SDC1: variants seen among roughly 807,000 people sequenced by gnomAD.
SDC1 encodes syndecan-1.
Under a neutral mutation model 29.7 loss-of-function variants are expected in SDC1, and 14 were observed. That is an observed-to-expected ratio of 0.47 (90% confidence interval 0.31 to 0.74). The LOEUF is 0.74. Among genes scored for constraint, SDC1 ranks in the 30% least tolerant of loss-of-function variants. The pLI, the probability that SDC1 is intolerant of heterozygous loss-of-function variation, is 0.05. For missense variants in SDC1, 406 were observed against 400.3 expected, an observed-to-expected ratio of 1.01 and a Z score of -0.12; for synonymous variants, 204 against 175.5, an observed-to-expected ratio of 1.16 and a Z score of -1.29.
At chr2:20,214,303 C>G (rs1296936480) in intron 1 of SDC1, among the ~76,000 whole-genome samples, 1 of 152,004 alleles carries the variant, frequency 6.6e-6, no homozygotes, top group Admixed American at 6.5e-5. Flanking sequence ...AAGAACAATT[C>G]AGATTGAGTA....
Position 20,224,718 on chromosome 2 carries a change from C to T in SDC1, c.66+84G>A. 3 of 1,222,530 alleles carry T rather than the reference C, an allele frequency of 2.5e-6. No individual in the cohort carries two copies. The highest frequency in any genetic ancestry group is 3.1e-6 in the Non-Finnish European group (3 of 976,984). 75.7% of individuals were successfully genotyped at this position (1,222,530 alleles called of 1,614,324 possible). ...GAAGGGAAGTCTTCGCTCCCCCTCCCCCTCCACGTGCACCCGCCGGCATCC... is the reference window on the plus strand; with the variant it reads ...GAAGGGAAGTCTTCGCTCCCCCTCCTCCTCCACGTGCACCCGCCGGCATCC... On this transcript the variant is annotated intron_variant, in intron 1 of 4. Transcript: ENST00000254351. This position sits in a 1 kb window ranked among gnomAD's most constrained non-coding sequence, Gnocchi z 4.9.
At chr2:20,223,164 C>T in intron 1 of SDC1, 2 of 983,188 alleles carry the variant, frequency 2.0e-6, no homozygotes, top group Non-Finnish European at 2.8e-6. Flanking sequence ...GGCACAGGGA[C>T]CTCTCCTGGA....
At chr2:20,216,528 A>T (rs1677631059) in intron 1 of SDC1, among the ~76,000 whole-genome samples, 1 of 152,188 alleles carries the variant, frequency 6.6e-6, no homozygotes, top group South Asian at 2.1e-4. Context: ...TTCGCCTGGA[A>T]CACTACAGAT....
chr2:20,222,967 G>A (rs1677868650), intron 1 of SDC1, among the ~76,000 whole-genome samples: 1 of 152,184 alleles, frequency 6.6e-6, no homozygotes, highest in South Asian at 2.1e-4. Flanking sequence ...AAGGCACCCA[G>A]CTCCATTCTC....
Position 20,204,021 on chromosome 2 carries a change from G to A in SDC1, c.419C>T (p.Thr140Ile). Residue 140 changes from threonine (T) to isoleucine (I), a missense_variant, in exon 3 of 5, where the codon ACC becomes ATC. Coordinates refer to ENST00000254351, the MANE Select transcript of SDC1 (RefSeq NM_002997.5). ...QLPTTHLAST[T>I]TATTAQEPAT... ...GGGCTCCTGGGCCGTGGTGGCTGTGGTCGTTGAGGCCAGATGAGTGGTCGG... is the reference window on the plus strand; with the variant it reads ...GGGCTCCTGGGCCGTGGTGGCTGTGATCGTTGAGGCCAGATGAGTGGTCGG... 1 of 1,613,398 alleles carries A rather than the reference G, an allele frequency of 6.2e-7. No homozygotes were observed. The highest frequency in any genetic ancestry group is 8.5e-7 in the Non-Finnish European group (1 of 1,179,630).
intron 1 of SDC1, among the ~76,000 whole-genome samples, chr2:20,212,681 C>T (rs756627882): frequency 4.3e-4 from 65 of 152,198 alleles, no homozygotes; most frequent in Admixed American, 1.9e-3. Flanking sequence ...CGGGGCCTGC[C>T]GAGGGTATGA....
At chr2:20,209,936 T>A (rs528783255) in intron 1 of SDC1, among the ~76,000 whole-genome samples, 1 of 152,352 alleles carries the variant, frequency 6.6e-6, no homozygotes, top group Non-Finnish European at 1.5e-5. Flanking sequence ...CCCCCCGCCA[T>A]CAGCCTGAGG....
intron 3 of SDC1, among the ~76,000 whole-genome samples, chr2:20,203,484 T>C (rs1677117292): frequency 6.6e-6 from 1 of 152,240 alleles, no homozygotes; most frequent in South Asian, 2.1e-4. Context: ...CAGACTTATT[T>C]TAGTGTAAAG....
At chr2:20,213,433 C>T (rs1032527527) in intron 1 of SDC1, among the ~76,000 whole-genome samples, 3 of 152,212 alleles carry the variant, frequency 2.0e-5, no homozygotes, top group Non-Finnish European at 2.9e-5. Flanking sequence ...AAACACCCCC[C>T]ACTTAGGGAC....
intron 1 of SDC1, among the ~76,000 whole-genome samples, chr2:20,221,972 G>C (rs1677836103): frequency 6.6e-6 from 1 of 151,896 alleles, no homozygotes; most frequent in Non-Finnish European, 1.5e-5. Flanking sequence ...CCATAATTAG[G>C]GCAAAAGGGA....
chr2:20,209,293 T>C (rs1677385776), intron 1 of SDC1, among the ~76,000 whole-genome samples: 1 of 152,194 alleles, frequency 6.6e-6, no homozygotes, highest in Non-Finnish European at 1.5e-5. Context: ...AGATAAGGAC[T>C]AGAGACTCTG....
In SDC1 at chr2:20,202,638, G is replaced by A. The variant is rs764708733; in HGVS notation, c.*128C>T. ...ACCCCACGACTCCGTGGGCAGGAGC[G>A]ACCAGAGGGGCTGGAATGCTGGGGA... On this transcript the variant is annotated 3_prime_UTR_variant, in exon 5 of 5. Transcript: ENST00000254351. 2.6e-5 allele frequency: 24 copies of A among 913,986 alleles called. No individual in the cohort carries two copies. In the East Asian group the frequency reaches 3.4e-4, roughly 13 times the overall value. 56.6% of individuals were successfully genotyped at this position (913,986 alleles called of 1,614,324 possible).
rs1381675607 is a variant in SDC1, at chr2:20,202,102, A to G, written c.*664T>C. On this transcript the variant is annotated 3_prime_UTR_variant, in exon 5 of 5. Coordinates refer to ENST00000254351, the MANE Select transcript of SDC1 (RefSeq NM_002997.5). ...CAGATTTGGTTCTCCTAGTTTAAAA[A>G]AAAAAAAAAAAAGTCTTCTTAACCC... 3.8e-6 allele frequency: 2 copies of G among 531,150 alleles called. No homozygotes were observed. Among genetic ancestry groups the G allele is most frequent in the Non-Finnish European group, 6.6e-6 (2 of 301,398 alleles). 32.9% of individuals were successfully genotyped at this position (531,150 alleles called of 1,614,324 possible).
chr2:20,207,225 G>A (rs3771252), intron 1 of SDC1, among the ~76,000 whole-genome samples: 6 of 152,246 alleles, frequency 3.9e-5, no homozygotes, highest in East Asian at 3.8e-4. Flanking sequence ...CGTCAGACAC[G>A]TGTAGAAACC....
intron 1 of SDC1, among the ~76,000 whole-genome samples, chr2:20,209,796 T>C (rs1252754263): frequency 6.6e-6 from 1 of 152,278 alleles, no homozygotes; most frequent in African/African-American, 2.4e-5. Flanking sequence ...GCAGCTGCGC[T>C]GCAGCTCCTC....
intron 1 of SDC1, among the ~76,000 whole-genome samples, chr2:20,223,743 A>T (rs902285346): frequency 1.3e-5 from 2 of 152,210 alleles, no homozygotes; most frequent in African/African-American, 4.8e-5. Flanking sequence ...GGCCGAGAAC[A>T]AAGCGCCCCC....
At chr2:20,219,702 T>TG (rs1677752980) in intron 1 of SDC1, among the ~76,000 whole-genome samples, 1 of 152,222 alleles carries the variant, frequency 6.6e-6, no homozygotes, top group Non-Finnish European at 1.5e-5. Flanking sequence ...ACAAACTCCC[T>TG]GAATCTCTCA....
chr2:20,212,442 ACTCCT>A (rs1461885734), intron 1 of SDC1, among the ~76,000 whole-genome samples: 1 of 151,626 alleles, frequency 6.6e-6, no homozygotes, highest in African/African-American at 2.4e-5. Context: ...TAGACACATC[ACTCCT>A]CTCCTAAGGC....
Position 20,205,355 on chromosome 2 carries a change from C to T in SDC1, c.136G>A (p.Gly46Ser), listed in dbSNP as rs372448431. 5.0e-6 allele frequency: 8 copies of T among 1,613,854 alleles called. No homozygotes were observed. Among genetic ancestry groups the T allele is most frequent in the South Asian group, 1.1e-5 (1 of 91,058 alleles). Residue 46 changes from glycine to serine, a missense_variant, in exon 2 of 5, where the codon GGC becomes AGC. Coordinates refer to ENST00000254351, the MANE Select transcript of SDC1 (RefSeq NM_002997.5). ...ATGACAACCTCACCTGCACCTGAGC[C>T]GGAGAAGTTGTCAGAGTCATCCCCA... ...GSGDDSDNFS[G>S]SGAGALQDIT...
Sources: allele counts gnomAD v4.1 joint callset (sites outside exome capture counted in the v4.1 genomes callset), GRCh38; gene constraint gnomAD v4.1.1; non-coding constraint Gnocchi (gnomAD v3.1); transcripts MANE v1.5; gene names NCBI Gene and HGNC (gene_info 2026-07-23, HGNC 2026-07-21).